Variants in IGF2BP2 observed in about 807,000 individuals in gnomAD.
IGF2BP2 encodes insulin like growth factor 2 mRNA binding protein 2.
A neutral mutation model predicts 75.8 loss-of-function variants in IGF2BP2; 17 were observed. The ratio of observed to expected loss-of-function variants is 0.22; its 90% CI spans 0.15 to 0.34. IGF2BP2 has a LOEUF of 0.34. Ranked by LOEUF, IGF2BP2 falls within the 10% of genes least tolerant of loss-of-function variation. The pLI, the probability that IGF2BP2 is intolerant of heterozygous loss-of-function variation, is 1.00. For synonymous variants in IGF2BP2, 288 were observed against 295.6 expected (o/e 0.97, Z 0.26); for missense variants, 516 against 772.4 (o/e 0.67, Z 3.93).
In IGF2BP2 at chr3:185,734,711, A is replaced by C. The variant is rs1357214495; in HGVS notation, c.240-36364T>G. 2.0e-5 allele frequency among the ~76,000 whole-genome samples: 3 copies of C among 152,368 alleles called. No homozygotes were observed. The East Asian group carries it at 5.8e-4, about 29-fold the overall frequency. On this transcript the variant is annotated intron_variant, in intron 2 of 15. Coordinates refer to ENST00000382199, the MANE Select transcript of IGF2BP2 (RefSeq NM_006548.6). ...TTTTCCTGCTTACAGCAGGGAAATT[A>C]ATTGTAAGCTCAACTTTCTTTGGAC...
intron 15 of IGF2BP2, 198 bp downstream of exon 15, chr3:185,646,827 G>A: frequency 1.7e-6 from 1 of 596,262 alleles, no homozygotes; most frequent in Non-Finnish European, 3.0e-6. Flanking sequence ...ATACCTCGGG[G>A]ATGACAGTGG....
intron 7 of IGF2BP2, among the ~76,000 whole-genome samples, chr3:185,677,492 G>A (rs1034706173): frequency 2.0e-5 from 3 of 152,120 alleles, no homozygotes; most frequent in Non-Finnish European, 2.9e-5. Context: ...CCAGTACACA[G>A]AGACTGTGAG....
At chr3:185,787,420 T>C (rs1736046265) in intron 2 of IGF2BP2, among the ~76,000 whole-genome samples, 1 of 152,180 alleles carries the variant, frequency 6.6e-6, no homozygotes, top group Admixed American at 6.5e-5. Context: ...ATTTTATAAC[T>C]GAAGAATTTG....
Position 185,666,043 on chromosome 3 carries a change from T to TAGAC in IGF2BP2, c.1200+6497_1200+6498insGTCT, listed in dbSNP as rs1465730574. 9.9e-5 allele frequency among the ~76,000 whole-genome samples: 15 copies of TAGAC among 150,920 alleles called. No individual in the cohort carries two copies. In the East Asian group the frequency reaches 2.9e-3, roughly 29 times the overall value. On this transcript the variant is annotated intron_variant, in intron 10 of 15. Transcript: ENST00000382199. ...ATAGATAGATAGATAGATAGATAGA[T>TAGAC]AGATAGATAGATAGAGGAACTATGA...
chr3:185,764,126 T>A (rs774634754), intron 2 of IGF2BP2, among the ~76,000 whole-genome samples: 4 of 152,116 alleles, frequency 2.6e-5, no homozygotes, highest in Non-Finnish European at 5.9e-5. Context: ...ATAACACTTT[T>A]CTTAAAAAAT....
intron 9 of IGF2BP2, 89 bp from the exon 10 acceptor site, chr3:185,672,758 C>T: frequency 6.9e-7 from 1 of 1,447,784 alleles, no homozygotes; most frequent in Non-Finnish European, 9.5e-7. Flanking sequence ...GTCTTAATGG[C>T]ACCAGCGTCT....
intron 7 of IGF2BP2, among the ~76,000 whole-genome samples, chr3:185,686,258 C>T (rs898066293): frequency 6.6e-6 from 1 of 152,088 alleles, no homozygotes; most frequent in Admixed American, 6.6e-5. Flanking sequence ...GTGGCGCACG[C>T]CTGTAATCCC....
intron 4 of IGF2BP2, among the ~76,000 whole-genome samples, chr3:185,696,165 G>C (rs1722549225): frequency 6.6e-6 from 1 of 152,146 alleles, no homozygotes; most frequent in Non-Finnish European, 1.5e-5. Flanking sequence ...TAAGCCCTAG[G>C]AGTCTGCAAT....
At chr3:185,672,894 G>C (rs557393841) in intron 9 of IGF2BP2, among the ~76,000 whole-genome samples, 1 of 152,238 alleles carries the variant, frequency 6.6e-6, no homozygotes, top group African/African-American at 2.4e-5. Context: ...TCTTGTCATG[G>C]AAAATGAGGC....
Position 185,666,153 on chromosome 3 carries a change from C to T in IGF2BP2, c.1200+6388G>A, listed in dbSNP as rs1240066212. Among the ~76,000 whole-genome samples, 5 of 152,272 alleles carry T rather than the reference C, an allele frequency of 3.3e-5. 1 individual carries two copies. In the South Asian group the frequency reaches 6.2e-4, roughly 19 times the overall value. Reference sequence around the variant, plus strand: ...GATACAGAAAGGCTTAGAAATTATACTCGTGCTATTTCTGTTAAAACTTGT... The same window carrying T: ...GATACAGAAAGGCTTAGAAATTATATTCGTGCTATTTCTGTTAAAACTTGT... On this transcript the variant is annotated intron_variant, in intron 10 of 15. Coordinates refer to ENST00000382199, the MANE Select transcript of IGF2BP2 (RefSeq NM_006548.6).
chr3:185,724,962 C>G (rs1727105836), intron 2 of IGF2BP2: 1 of 152,202 alleles, frequency 6.6e-6, no homozygotes, highest in Non-Finnish European at 1.5e-5. Context: ...GGAAGCCAGC[C>G]ACCATGCTGT....
chr3:185,679,146 T>C (rs574857983), intron 7 of IGF2BP2, among the ~76,000 whole-genome samples: 2 of 152,330 alleles, frequency 1.3e-5, no homozygotes, highest in Admixed American at 1.3e-4. Context: ...ACTTTTGTCA[T>C]TTTCATTGTT....
chr3:185,675,949 A>G, intron 7 of IGF2BP2, 36 bp from the exon 8 acceptor site: 1 of 1,609,862 alleles, frequency 6.2e-7, no homozygotes, highest in Non-Finnish European at 8.5e-7. Context: ...CACTTCAGAT[A>G]CGTATAACGG....
chr3:185,818,222 TA>T (rs1311848391), intron 2 of IGF2BP2, among the ~76,000 whole-genome samples: 1 of 152,052 alleles, frequency 6.6e-6, no homozygotes, highest in Non-Finnish European at 1.5e-5. Flanking sequence ...TTCTGACACT[TA>T]AAAAAATGGC....
chr3:185,810,211 G>A (rs1005764470), intron 2 of IGF2BP2, among the ~76,000 whole-genome samples: 2 of 152,152 alleles, frequency 1.3e-5, no homozygotes, highest in Non-Finnish European at 2.9e-5. Context: ...AGAGTAGTCT[G>A]AGGCTTTTTG....
chr3:185,665,908 A>G (rs1239895090), intron 10 of IGF2BP2, among the ~76,000 whole-genome samples: 1 of 152,198 alleles, frequency 6.6e-6, no homozygotes, highest in Non-Finnish European at 1.5e-5. Flanking sequence ...CGGAGGTTGC[A>G]GTGAGCCAAA....
intron 11 of IGF2BP2, 150 bp downstream of exon 11, chr3:185,658,191 G>A (rs748379687): frequency 2.7e-6 from 2 of 746,494 alleles, no homozygotes; most frequent in Non-Finnish European, 4.6e-6. Context: ...GGAGTTTGGC[G>A]TGCTCAGGCT....
intron 2 of IGF2BP2, among the ~76,000 whole-genome samples, chr3:185,799,081 T>C (rs1272372838): frequency 2.6e-5 from 4 of 151,386 alleles, no homozygotes; most frequent in Non-Finnish European, 4.4e-5. Flanking sequence ...TGGCTCTAAG[T>C]TTTTCTTTAC....
chr3:185,740,331 T>C (rs1184969501), intron 2 of IGF2BP2, among the ~76,000 whole-genome samples: 1 of 152,222 alleles, frequency 6.6e-6, no homozygotes, highest in Non-Finnish European at 1.5e-5. Context: ...CAGCACCTAC[T>C]ATGTGCCAAG....
Sources: allele counts gnomAD v4.1 joint callset (sites outside exome capture counted in the v4.1 genomes callset), GRCh38; gene constraint gnomAD v4.1.1; transcripts MANE v1.5; gene names NCBI Gene and HGNC (gene_info 2026-07-23, HGNC 2026-07-21).